Variants in EDNRB observed in about 807,000 individuals in gnomAD.
EDNRB encodes the protein Hirschsprung disease 2.
In EDNRB, 18 loss-of-function variants were observed where a neutral mutation model predicts 46.4. That is an observed-to-expected ratio of 0.39 (90% CI 0.27 to 0.57). The LOEUF (loss-of-function observed/expected upper bound fraction) is 0.57, where lower values mean the gene tolerates loss of function less well. EDNRB is among the 20% of genes least tolerant of loss of function. The pLI, the probability that EDNRB is intolerant of heterozygous loss-of-function variation, is 0.61. For synonymous variants in EDNRB, 213 were observed against 204.9 expected, an observed-to-expected ratio of 1.04 and a Z score of -0.34; for missense variants, 434 against 537.5, an observed-to-expected ratio of 0.81 and a Z score of 1.90.
At chr13:77,928,916 A>AT (rs559076204) in intron 1 of EDNRB, among the ~76,000 whole-genome samples, 1 of 152,224 alleles carries the variant, frequency 6.6e-6, no homozygotes, top group East Asian at 1.9e-4. Context: ...CTTTTAAATC[A>AT]TTTTTTATAG....
At chr13:77,974,393 TA>T (rs2137699303) in intron 1 of EDNRB, among the ~76,000 whole-genome samples, 2 of 152,300 alleles carry the variant, frequency 1.3e-5, no homozygotes, top group East Asian at 3.9e-4. Flanking sequence ...GCTACTGGGT[TA>T]AGGATTTTTG....
intron 1 of EDNRB, among the ~76,000 whole-genome samples, chr13:77,933,030 T>C (rs530047840): frequency 7.8e-4 from 119 of 152,398 alleles, no homozygotes; most frequent in South Asian, 1.4e-3. Flanking sequence ...CTGTGTTATA[T>C]ATGTTTAAGA....
chr13:77,904,451 C>CA lies in EDNRB; in HGVS notation c.484-845dup, dbSNP rs527252393. On this transcript the variant is annotated intron_variant, in intron 1 of 6. Coordinates refer to ENST00000646607, the MANE Select transcript of EDNRB (RefSeq NM_001122659.3). Reference sequence around the variant, plus strand: ...AGTGTAAGACAGACTATGAGCTCCACAACTGCCTAGAACAGTGCCTGACAC... The same window carrying CA: ...AGTGTAAGACAGACTATGAGCTCCACAAACTGCCTAGAACAGTGCCTGACAC... Among the ~76,000 whole-genome samples the CA allele has an allele frequency of 3.1e-4, 47 of 151,994 alleles. No individual in the cohort carries two copies. The South Asian group carries it at 7.9e-3, about 25-fold the overall frequency.
At chr13:77,911,016 C>T (rs1172885595) in intron 1 of EDNRB, among the ~76,000 whole-genome samples, 1 of 151,750 alleles carries the variant, frequency 6.6e-6, no homozygotes, top group East Asian at 1.9e-4. Context: ...TGTAACAGGC[C>T]AGGAAAGAAA....
chr13:77,903,737 T>G, intron 1 of EDNRB, 130 bp from the exon 2 acceptor site: 2 of 777,436 alleles, frequency 2.6e-6, no homozygotes, highest in Non-Finnish European at 4.4e-6. Context: ...TCTCATGGAC[T>G]ACTTCTTTGA....
intron 1 of EDNRB, among the ~76,000 whole-genome samples, chr13:77,966,966 C>T (rs1881600131): frequency 6.6e-6 from 1 of 152,098 alleles, no homozygotes; most frequent in South Asian, 2.1e-4. Flanking sequence ...CTAAATAACC[C>T]ATTCACTAAA....
intron 1 of EDNRB, among the ~76,000 whole-genome samples, chr13:77,950,156 T>C (rs1881049726): frequency 6.6e-6 from 1 of 152,200 alleles, no homozygotes; most frequent in Non-Finnish European, 1.5e-5. Context: ...TCAGAGTTAA[T>C]TTCTCAAACT....
chr13:77,962,369 G>T (rs137878273), intron 1 of EDNRB, among the ~76,000 whole-genome samples: 2,176 of 152,262 alleles, frequency 0.014, 45 homozygotes, highest in East Asian at 0.024. Context: ...GAACTTTGAT[G>T]CAAAAATCCT....
chr13:77,926,818 G>C (rs1452306383), intron 1 of EDNRB, among the ~76,000 whole-genome samples: 1 of 152,230 alleles, frequency 6.6e-6, no homozygotes, highest in East Asian at 1.9e-4. Flanking sequence ...GGAAGGAAAA[G>C]AGGTTTAATT....
chr13:77,919,719 C>T (rs1880014637), upstream of EDNRB: 4 of 1,152,648 alleles, frequency 3.5e-6, no homozygotes, highest in South Asian at 3.1e-5. Flanking sequence ...AGTAGTTGCC[C>T]GAGGGAGGGG....
At chr13:77,918,849 G>C, upstream of EDNRB, 1 of 1,299,100 alleles carries the variant, frequency 7.7e-7, no homozygotes, top group Non-Finnish European at 9.7e-7. The surrounding 1 kb of genome is among the most constrained non-coding windows in gnomAD (Gnocchi z 4.5). Context: ...GTGGCCAGGA[G>C]GGGTAAATAA....
intron 1 of EDNRB, among the ~76,000 whole-genome samples, chr13:77,955,056 A>G (rs1228147159): frequency 6.6e-6 from 1 of 152,174 alleles, no homozygotes; most frequent in African/African-American, 2.4e-5. Flanking sequence ...TGTTTTCTAC[A>G]GCAACTGCAC....
intron 1 of EDNRB, among the ~76,000 whole-genome samples, chr13:77,934,505 A>T (rs1282717403): frequency 6.6e-6 from 1 of 152,160 alleles, no homozygotes; most frequent in Non-Finnish European, 1.5e-5. Flanking sequence ...GTCTGACAGA[A>T]GGGAAGAAAT....
At chr13:77,941,535 G>A (rs9544643) in intron 1 of EDNRB, among the ~76,000 whole-genome samples, 80,530 of 152,010 alleles carry the variant, frequency 0.53, 22,293 homozygotes, top group Non-Finnish European at 0.63. Flanking sequence ...AGTTCACAAG[G>A]TTCTTCTCTA....
intron 1 of EDNRB, among the ~76,000 whole-genome samples, chr13:77,916,652 C>T (rs183189559): frequency 6.6e-6 from 1 of 152,286 alleles, no homozygotes; most frequent in East Asian, 1.9e-4. Context: ...TACAGGCATG[C>T]CTTATGGTAA....
chr13:77,928,179 C>T (rs561312875), intron 1 of EDNRB, among the ~76,000 whole-genome samples: 1 of 152,086 alleles, frequency 6.6e-6, no homozygotes, highest in Non-Finnish European at 1.5e-5. Context: ...GCAAATTAGA[C>T]AAGTAATTAA....
intron 1 of EDNRB, among the ~76,000 whole-genome samples, chr13:77,968,409 C>T (rs561174644): frequency 2.6e-5 from 4 of 152,016 alleles, no homozygotes; most frequent in Non-Finnish European, 4.4e-5. Flanking sequence ...GAAGTAGATT[C>T]TCTTTTCTAG....
intron 1 of EDNRB, among the ~76,000 whole-genome samples, chr13:77,951,673 G>C (rs1881094102): frequency 6.6e-6 from 1 of 152,158 alleles, no homozygotes; most frequent in South Asian, 2.1e-4. Context: ...TTAGCCAAAA[G>C]GGACTTTACT....
intron 1 of EDNRB, among the ~76,000 whole-genome samples, chr13:77,943,183 T>A (rs1208903198): frequency 6.6e-6 from 1 of 152,148 alleles, no homozygotes; most frequent in Admixed American, 6.5e-5. Flanking sequence ...TAGAGCAATA[T>A]GTGCTGTGTG....
Sources: allele counts gnomAD v4.1 joint callset (sites outside exome capture counted in the v4.1 genomes callset), GRCh38; gene constraint gnomAD v4.1.1; non-coding constraint Gnocchi (gnomAD v3.1); transcripts MANE v1.5; gene names NCBI Gene and HGNC (gene_info 2026-07-23, HGNC 2026-07-21).